The following C11orf54 variants were observed in gnomAD, a reference collection of about 807,000 sequenced individuals.
The protein encoded by C11orf54 is beta-keto-L-gulonate decarboxylase, also known as beta-keto L-gulonate decarboxylase.
In C11orf54, 29 loss-of-function variants were observed where a neutral mutation model predicts 35.5. The observed-to-expected ratio is 0.82, with a 90% CI of 0.61 to 1.11. The LOEUF (loss-of-function observed/expected upper bound fraction) is 1.11. Ranked by LOEUF, C11orf54 falls within the 50% of genes most tolerant of loss-of-function variation. The probability of loss-of-function intolerance (pLI) is 0.00; values close to 1 mark genes in which losing one functional copy is unlikely to be tolerated. For synonymous variants in C11orf54, 108 were observed against 121.1 expected (o/e 0.89, Z 0.71); for missense variants, 373 against 369.2 (o/e 1.01, Z -0.08).
Position 93,764,293 on chromosome 11 carries a change from G to A in C11orf54, c.*2605G>A, listed in dbSNP as rs112066763. 2 of 152,316 alleles carry A rather than the reference G, an allele frequency of 1.3e-5. No individual in the cohort carries two copies. The highest frequency in any genetic ancestry group is 4.8e-5 in the African/African-American group (2 of 41,558). 9.4% of individuals were successfully genotyped at this position (152,316 alleles called of 1,614,324 possible). A position where few individuals can be genotyped will look rare whatever the true frequency, so the allele number is the denominator to read the frequency against. Reference sequence around the variant, plus strand: ...CAGATTCCAGGTGTAGAGATCATCTGAAGCAGTCCTGGGCCTCTTCACACT... The same window carrying A: ...CAGATTCCAGGTGTAGAGATCATCTAAAGCAGTCCTGGGCCTCTTCACACT... On this transcript the variant is annotated 3_prime_UTR_variant, in exon 9 of 9. Transcript: ENST00000354421.
At chr11:93,759,495 G>A (rs1045678927) in intron 7 of C11orf54, among the ~76,000 whole-genome samples, 2 of 152,026 alleles carry the variant, frequency 1.3e-5, no homozygotes, top group African/African-American at 4.8e-5. Flanking sequence ...GGGGCCTTTC[G>A]GGGAGTGGGG....
chr11:93,745,027 A>G (rs1378637436), intron 1 of C11orf54, among the ~76,000 whole-genome samples: 1 of 152,224 alleles, frequency 6.6e-6, no homozygotes, highest in East Asian at 1.9e-4. Flanking sequence ...GGCTAGATTC[A>G]TGTTTCTCTT....
At chr11:93,751,064 C>A (rs1942787085) in intron 3 of C11orf54, among the ~76,000 whole-genome samples, 1 of 152,144 alleles carries the variant, frequency 6.6e-6, no homozygotes. Context: ...GATTCAAATG[C>A]AAGTCTGTTT....
chr11:93,752,948 G>A (rs1425242901), intron 3 of C11orf54, among the ~76,000 whole-genome samples: 2 of 151,834 alleles, frequency 1.3e-5, no homozygotes, highest in Non-Finnish European at 2.9e-5. Context: ...GGGTTTCACC[G>A]TGTTAGCCAG....
intron 1 of C11orf54, chr11:93,743,017 G>A (rs1942213400): frequency 6.7e-6 from 1 of 149,724 alleles, no homozygotes; most frequent in South Asian, 2.1e-4. Flanking sequence ...TTTTTTTTTA[G>A]AAACAGAGTC....
chr11:93,749,656 A>C (rs1436034478), intron 2 of C11orf54, among the ~76,000 whole-genome samples: 1 of 152,092 alleles, frequency 6.6e-6, no homozygotes, highest in Non-Finnish European at 1.5e-5. Flanking sequence ...CTCTACATAT[A>C]AAAGAAAAAA....
Position 93,747,408 on chromosome 11 carries a change from GTTTTC to G in C11orf54, c.21_25del (p.Phe8CysfsTer5). 1.2e-6 allele frequency: 2 copies of G among 1,600,928 alleles called. No individual in the cohort carries two copies. Among genetic ancestry groups the G allele is most frequent in the Non-Finnish European group, 1.7e-6 (2 of 1,175,008 alleles). ...GAAGAAAGAAAATGGCTTGTGCTGA[GTTTTC>G]TTTTCATGTACCAAGTCTTGAAGAG... On this transcript the variant is annotated frameshift_variant, in exon 2 of 9. Transcript: ENST00000354421. LOFTEE classifies it high-confidence loss of function.
chr11:93,748,833 C>T (rs1942635381), intron 2 of C11orf54, among the ~76,000 whole-genome samples: 1 of 93,540 alleles, frequency 1.1e-5, no homozygotes, highest in African/African-American at 3.2e-5. Flanking sequence ...GAGACTCAGT[C>T]TCAAAAAAAA....
chr11:93,743,559 G>A (rs1942278143), intron 1 of C11orf54, among the ~76,000 whole-genome samples: 2 of 152,190 alleles, frequency 1.3e-5, no homozygotes, highest in Non-Finnish European at 2.9e-5. Context: ...AGGGTGCGTG[G>A]GGGTGAGCAG....
intron 7 of C11orf54, among the ~76,000 whole-genome samples, chr11:93,758,580 C>T (rs554295594): frequency 6.6e-6 from 1 of 152,362 alleles, no homozygotes; most frequent in East Asian, 1.9e-4. Flanking sequence ...GCGCCTGCTC[C>T]GATCCAGGAG....
Position 93,761,809 on chromosome 11 carries a change from C to A in C11orf54, c.*121C>A. 2 of 977,526 alleles carry A rather than the reference C, an allele frequency of 2.0e-6. No homozygotes were observed. The highest frequency in any genetic ancestry group is 3.1e-5 in the East Asian group (1 of 32,462). 60.6% of individuals were successfully genotyped at this position (977,526 alleles called of 1,614,324 possible). On this transcript the variant is annotated 3_prime_UTR_variant, in exon 9 of 9. Transcript: ENST00000354421. ...CACAGGCCAGGCACAATGGCTCATG[C>A]CTATAATCCCAGCACTTTGGGAGGC...
chr11:93,759,789 T>C lies in C11orf54; in HGVS notation c.705T>C (p.Asn235=). ...CCTTGAACTCTGATGAAGAAGTGAA[T>C]AAATGGTTGCATTTTTATGAAATGA... ...SCPLNSDEEV[N]KWLHFYEMKA... is the part of the protein sequence containing the mutation. The change falls in exon 8 of 9, where the codon AAT becomes AAC. Residue 235 remains asparagine, a synonymous_variant. Transcript: ENST00000354421. 1 of 1,611,356 alleles carries C rather than the reference T, an allele frequency of 6.2e-7. No individual in the cohort carries two copies.
chr11:93,759,747 A>G lies in C11orf54; in HGVS notation c.663A>G (p.Ala221=). 1 of 1,588,498 alleles carries G rather than the reference A, an allele frequency of 6.3e-7. No individual in the cohort carries two copies. Reference sequence around the variant, plus strand: ...GTAATTATCTTTTGTTGTAGCCTGCAGAATTTTCTTCCTGCCCCTTGAACT... The same window carrying G: ...GTAATTATCTTTTGTTGTAGCCTGCGGAATTTTCTTCCTGCCCCTTGAACT... The part of the protein sequence containing the change: ...KGKVKSHIMP[A]EFSSCPLNSD... Residue 221 remains alanine, a synonymous_variant, in exon 8 of 9, where the codon GCA becomes GCG. Coordinates refer to ENST00000354421, the MANE Select transcript of C11orf54 (RefSeq NM_001286069.2).
chr11:93,749,099 G>A (rs1234072485), intron 2 of C11orf54, among the ~76,000 whole-genome samples: 1 of 149,418 alleles, frequency 6.7e-6, no homozygotes, highest in Admixed American at 6.7e-5. Flanking sequence ...AGCCGAGATT[G>A]CGCCATTGTA....
chr11:93,751,820 CTTTTT>C (rs35146074), intron 3 of C11orf54, among the ~76,000 whole-genome samples: 1 of 80,224 alleles, frequency 1.2e-5, no homozygotes, highest in Non-Finnish European at 2.4e-5. Context: ...AATGGTTAAT[CTTTTT>C]TTTTTTTTTT....
Position 93,755,231 on chromosome 11 carries a change from G to T in C11orf54, c.352G>T (p.Glu118Ter). Residue 118 changes from glutamate (E) to a stop codon, truncating the protein, a stop_gained, in exon 6 of 9, where the codon GAA (glutamate) becomes TAA (stop). Transcript: ENST00000354421. LOFTEE classifies it high-confidence loss of function. ...TCAGTTTATGCCAGTTATTCAGACAGAAAGTGAACACAAGCCTCCTGTAAA... is the reference window on the plus strand; with the variant it reads ...TCAGTTTATGCCAGTTATTCAGACATAAAGTGAACACAAGCCTCCTGTAAA... ...NSEFMPVIQT[E>*]SEHKPPVNGS... 6.2e-7 allele frequency: 1 copy of T among 1,614,038 alleles called. No homozygotes were observed. The highest frequency in any genetic ancestry group is 1.1e-5 in the South Asian group (1 of 91,074).
At position 93,755,403 on chromosome 11, in the gene C11orf54, A is replaced by G. The variant is rs1018855626; in HGVS notation, c.507+17A>G. ...CCTGGCAAGGTGATTGTGTCCATAA[A>G]AATACAATATTCCCTAAATGTTCTC... On this transcript the variant is annotated intron_variant, in intron 6 of 8. Coordinates refer to ENST00000354421, the MANE Select transcript of C11orf54 (RefSeq NM_001286069.2). The G allele has an allele frequency of 7.5e-6, 12 of 1,608,638 alleles. No individual in the cohort carries two copies. The highest frequency in any genetic ancestry group is 1.7e-4 in the Middle Eastern group (1 of 6,040).
chr11:93,754,108 CA>C, intron 5 of C11orf54, 71 bp downstream of exon 5: 1 of 1,273,512 alleles, frequency 7.9e-7, no homozygotes, highest in Non-Finnish European at 1.1e-6. Context: ...CTTTTAGTGC[CA>C]AAAATCCTAC....
intron 6 of C11orf54, 109 bp downstream of exon 6, chr11:93,755,495 T>A: frequency 1.6e-6 from 2 of 1,235,998 alleles, no homozygotes; most frequent in East Asian, 5.1e-5. Context: ...AGTTTCCCAC[T>A]TTGGGAGGCC....
Sources: gnomAD v4.1 joint callset for allele counts (sites outside exome capture counted in the v4.1 genomes callset) on GRCh38, gnomAD v4.1.1 for gene constraint, MANE v1.5 for transcripts, NCBI Gene and HGNC (gene_info 2026-07-23, HGNC 2026-07-21) for gene names.